SEPTIN9: variants seen among roughly 807,000 people sequenced by gnomAD.
SEPTIN9 encodes septin-9.
SEPTIN9 carries 13 observed loss-of-function variants against 56.6 expected under a neutral mutation model. The observed-to-expected ratio is 0.23, with a 90% CI of 0.15 to 0.37. SEPTIN9 has a LOEUF of 0.37. Among genes scored for constraint, SEPTIN9 ranks in the 10% least tolerant of loss-of-function variants. The pLI, the probability that SEPTIN9 is intolerant of heterozygous loss-of-function variation, is 1.00. For synonymous variants in SEPTIN9, 332 were observed against 334.1 expected, an observed-to-expected ratio of 0.99 and a Z score of 0.07; for missense variants, 650 against 823.1, an observed-to-expected ratio of 0.79 and a Z score of 2.57.
At chr17:77,363,919 T>G (rs918528608) in intron 2 of SEPTIN9, among the ~76,000 whole-genome samples, 1 of 151,830 alleles carries the variant, frequency 6.6e-6, no homozygotes, top group Non-Finnish European at 1.5e-5. Context: ...TCACATAGCC[T>G]GGCCAGAGCT....
At chr17:77,397,908 T>C (rs1287120718) in intron 2 of SEPTIN9, among the ~76,000 whole-genome samples, 2 of 152,104 alleles carry the variant, frequency 1.3e-5, no homozygotes, top group Non-Finnish European at 2.9e-5. Flanking sequence ...GCCTTGGGCC[T>C]GCCTTGGCCT....
At chr17:77,332,926 C>A (rs1435031376) in intron 2 of SEPTIN9, among the ~76,000 whole-genome samples, 1 of 152,196 alleles carries the variant, frequency 6.6e-6, no homozygotes, top group Non-Finnish European at 1.5e-5. Context: ...ACCTGTTACG[C>A]TGGTTCTTCT....
At chr17:77,469,156 C>G (rs2038872945) in intron 3 of SEPTIN9, 2 of 152,630 alleles carry the variant, frequency 1.3e-5, no homozygotes, top group South Asian at 4.1e-4. Context: ...AAGTGTGAAT[C>G]TGGACAAAGA....
intron 2 of SEPTIN9, among the ~76,000 whole-genome samples, chr17:77,337,420 T>G (rs2033591415): frequency 6.6e-6 from 1 of 152,218 alleles, no homozygotes; most frequent in Non-Finnish European, 1.5e-5. Flanking sequence ...TTTAAGGATT[T>G]TTGCGTGTTG....
intron 1 of SEPTIN9, among the ~76,000 whole-genome samples, chr17:77,287,036 G>A (rs544259441): frequency 5.9e-5 from 9 of 152,356 alleles, no homozygotes; most frequent in Admixed American, 5.9e-4. Flanking sequence ...CTCGGGGCTT[G>A]TACACAGCAC....
intron 3 of SEPTIN9, among the ~76,000 whole-genome samples, chr17:77,416,437 G>T (rs1353374585): frequency 6.6e-6 from 1 of 152,230 alleles, no homozygotes; most frequent in Non-Finnish European, 1.5e-5. Context: ...GGAGTGTGAT[G>T]AATAACGGGG....
intron 10 of SEPTIN9, among the ~76,000 whole-genome samples, chr17:77,493,772 T>G (rs947128905): frequency 6.7e-6 from 1 of 148,400 alleles, no homozygotes; most frequent in Non-Finnish European, 1.5e-5. Flanking sequence ...TTCCTTTTTT[T>G]TTTTTTTTTT....
At position 77,342,007 on chromosome 17, in the gene SEPTIN9, C is replaced by CT. The variant is rs1373029573; in HGVS notation, c.76+34810_76+34811insT. On this transcript the variant is annotated intron_variant, in intron 2 of 11. Transcript: ENST00000427177. ...CTGAGGCAGGAGAATGGCGTGAACCCGGGAGGCGGAGCTTGCAGTGAGCCG... is the reference window on the plus strand; with the variant it reads ...CTGAGGCAGGAGAATGGCGTGAACCCTGGGAGGCGGAGCTTGCAGTGAGCCG... 1.6e-4 allele frequency among the ~76,000 whole-genome samples: 23 copies of CT among 146,982 alleles called. No homozygotes were observed. In the Admixed American group the frequency reaches 1.6e-3, roughly 10 times the overall value.
At chr17:77,493,158 A>T in intron 10 of SEPTIN9, 82 bp downstream of exon 10, 1 of 1,132,232 alleles carries the variant, frequency 8.8e-7, no homozygotes, top group South Asian at 1.3e-5. Flanking sequence ...GCCACGCCTG[A>T]GCCAGGGACT....
Position 77,405,834 on chromosome 17 carries a change from C to T in SEPTIN9, c.721+3131C>T, listed in dbSNP as rs1233425404. The stretch of plus-strand genomic sequence containing the variant: ...GCTTCCTGCCCATCTTTCCTTCAGG[C>T]CCATCCCCTTCTGCCCCTCCATGTG... On this transcript the variant is annotated intron_variant, in intron 3 of 11. Coordinates refer to ENST00000427177, the MANE Select transcript of SEPTIN9 (RefSeq NM_001113491.2). The surrounding 1 kb of genome is among the most constrained non-coding windows in gnomAD (Gnocchi z 5.8). Among the ~76,000 whole-genome samples, 2 of 152,206 alleles carry T rather than the reference C, an allele frequency of 1.3e-5. No individual in the cohort carries two copies. The highest frequency in any genetic ancestry group is 2.9e-5 in the Non-Finnish European group (2 of 68,032).
chr17:77,499,622 C>G lies in SEPTIN9; in HGVS notation c.*964C>G, dbSNP rs1380724376. On this transcript the variant is annotated 3_prime_UTR_variant, in exon 12 of 12. Transcript: ENST00000427177. The stretch of plus-strand genomic sequence containing the variant: ...AGTGGCGTGAGCTGCCCGGCGCCTG[C>G]CCTGCCCAAGTGACCAGGGAAGTGT... The G allele has an allele frequency of 6.9e-6, 3 of 436,048 alleles. No homozygotes were observed. Among genetic ancestry groups the G allele is most frequent in the Non-Finnish European group, 1.3e-5 (3 of 228,918 alleles). 27.0% of individuals were successfully genotyped at this position (436,048 alleles called of 1,614,324 possible). A position where few individuals can be genotyped will look rare whatever the true frequency, so the allele number is the denominator to read the frequency against.
chr17:77,475,388 G>A lies in SEPTIN9; in HGVS notation c.722-6756G>A. 2.1e-6 allele frequency: 3 copies of A among 1,444,740 alleles called. No homozygotes were observed. Among genetic ancestry groups the A allele is most frequent in the Non-Finnish European group, 2.7e-6 (3 of 1,105,106 alleles). 89.5% of individuals were successfully genotyped at this position (1,444,740 alleles called of 1,614,324 possible). On this transcript the variant is annotated intron_variant, in intron 3 of 11. Transcript: ENST00000427177. This position sits in a 1 kb window ranked among gnomAD's most constrained non-coding sequence, Gnocchi z 4.6. ...TGCAGGCACCCAGGGAGATAGGAGA[G>A]GAGGAGGGAGCAGCCCTGGCCGGAC...
At chr17:77,403,404 G>C (rs139284256) in intron 3 of SEPTIN9, among the ~76,000 whole-genome samples, 1 of 152,214 alleles carries the variant, frequency 6.6e-6, no homozygotes, top group Non-Finnish European at 1.5e-5. Context: ...CCCTTCTGGC[G>C]AGAGGAGAGA....
At chr17:77,486,522 GCGCGCA>G (rs767451016) in intron 4 of SEPTIN9, among the ~76,000 whole-genome samples, 42,749 of 113,406 alleles carry the variant, frequency 0.38, 6,471 homozygotes, top group Middle Eastern at 0.5. Flanking sequence ...GTGTGTGTGT[GCGCGCA>G]CGCGCGCGCG....
At chr17:77,474,778 GGT>G (rs2039141517) in intron 3 of SEPTIN9, among the ~76,000 whole-genome samples, 1 of 152,172 alleles carries the variant, frequency 6.6e-6, no homozygotes, top group African/African-American at 2.4e-5. Flanking sequence ...TCTCGGTCTC[GGT>G]TTCCTTATCT....
intron 3 of SEPTIN9, among the ~76,000 whole-genome samples, chr17:77,412,092 T>G (rs1272269654): frequency 6.8e-6 from 1 of 146,148 alleles, no homozygotes; most frequent in Non-Finnish European, 1.5e-5. Flanking sequence ...ATCGTGCCAT[T>G]GCACTCCAGC....
chr17:77,350,598 C>T (rs1204232935), intron 2 of SEPTIN9, among the ~76,000 whole-genome samples: 1 of 130,616 alleles, frequency 7.7e-6, no homozygotes, highest in East Asian at 2.1e-4. Context: ...CCTCTCTTCT[C>T]TCCTCCAGTG....
chr17:77,387,670 A>T (rs2035384318), intron 2 of SEPTIN9, among the ~76,000 whole-genome samples: 1 of 152,002 alleles, frequency 6.6e-6, no homozygotes, highest in South Asian at 2.1e-4. Flanking sequence ...GCTGCTTCTG[A>T]GGAGACCCTT....
At chr17:77,415,627 CAAAAAAAAAAAA>C (rs772446190) in intron 3 of SEPTIN9, among the ~76,000 whole-genome samples, 1,427 of 63,228 alleles carry the variant, frequency 0.023, 21 homozygotes, top group Non-Finnish European at 0.035. Flanking sequence ...GACTATGTCT[CAAAAAAAAAAAA>C]AAAAAGAAAA....
Sources: allele counts gnomAD v4.1 joint callset (sites outside exome capture counted in the v4.1 genomes callset), GRCh38; gene constraint gnomAD v4.1.1; non-coding constraint Gnocchi (gnomAD v3.1); transcripts MANE v1.5; gene names NCBI Gene and HGNC (gene_info 2026-07-23, HGNC 2026-07-21).